Variants in NAV3 observed in about 807,000 individuals in gnomAD.
NAV3 encodes the protein pore membrane and/or filament interacting like protein 1.
Under a neutral mutation model 244.7 loss-of-function variants are expected in NAV3, and 87 were observed. The observed-to-expected ratio is 0.36, with a 90% CI of 0.30 to 0.42. The LOEUF (loss-of-function observed/expected upper bound fraction) is 0.42. NAV3 is among the 20% of genes least tolerant of loss of function. NAV3 has a pLI of 1.00. For synonymous variants in NAV3, 1,126 were observed against 1,042.2 expected, an observed-to-expected ratio of 1.08 and a Z score of -1.55; for missense variants, 2,663 against 2,893.3, an observed-to-expected ratio of 0.92 and a Z score of 1.83.
At chr12:78,065,835 TG>T (rs1884952032) in intron 12 of NAV3, among the ~76,000 whole-genome samples, 1 of 152,144 alleles carries the variant, frequency 6.6e-6, no homozygotes, top group Non-Finnish European at 1.5e-5. Flanking sequence ...TGCTCTGTTT[TG>T]TTTTGGGGAG....
rs1049219248 is a variant in NAV3, at chr12:77,831,296, G to C, written c.-166G>C. On this transcript the variant is annotated 5_prime_UTR_variant, in exon 1 of 40. Coordinates refer to ENST00000397909, the MANE Select transcript of NAV3 (RefSeq NM_001024383.2). ...GAAAAGATACTTAACTAAAGATGCA[G>C]GGAAGTTTTGCCTCTTCCTGAAAAT... 1 of 598,428 alleles carries C rather than the reference G, an allele frequency of 1.7e-6. No individual in the cohort carries two copies. Among genetic ancestry groups the C allele is most frequent in the African/African-American group, 1.9e-5 (1 of 52,356 alleles). 37.1% of individuals were successfully genotyped at this position (598,428 alleles called of 1,614,324 possible).
chr12:77,826,131 T>C (rs948716606), upstream of NAV3, among the ~76,000 whole-genome samples: 1 of 152,112 alleles, frequency 6.6e-6, no homozygotes, highest in Non-Finnish European at 1.5e-5. Flanking sequence ...TACACAAATA[T>C]ATAGTTATCA....
chr12:77,870,038 T>C (rs2136440559), intron 1 of NAV3, among the ~76,000 whole-genome samples: 1 of 152,302 alleles, frequency 6.6e-6, no homozygotes, highest in African/African-American at 2.4e-5. Flanking sequence ...ATCTAAATGT[T>C]ACTGCAATAT....
intron 8 of NAV3, among the ~76,000 whole-genome samples, chr12:78,013,913 T>C (rs1875744229): frequency 6.6e-6 from 1 of 152,076 alleles, no homozygotes; most frequent in Admixed American, 6.6e-5. Flanking sequence ...TCCTCTTCTT[T>C]CTTGGTGTCC....
At chr12:77,661,443 A>G (rs1873443117) in intron 2 of NAV3, among the ~76,000 whole-genome samples, 1 of 152,142 alleles carries the variant, frequency 6.6e-6, no homozygotes, top group Non-Finnish European at 1.5e-5. Flanking sequence ...GATATATTGT[A>G]GACAGAAGAG....
intron 2 of NAV3, among the ~76,000 whole-genome samples, chr12:77,662,255 A>ATCTATCTATCTATCTG (rs1242659283): frequency 7.9e-5 from 12 of 151,336 alleles, no homozygotes; most frequent in African/African-American, 2.9e-4. Context: ...CTATCTATCT[A>ATCTATCTATCTATCTG]TCTATCTATA....
At chr12:78,110,625 G>A (rs1566145821) in intron 12 of NAV3, among the ~76,000 whole-genome samples, 1 of 151,734 alleles carries the variant, frequency 6.6e-6, no homozygotes, top group Non-Finnish European at 1.5e-5. Context: ...AGCCAAAACA[G>A]CATGGTATTT....
chr12:78,036,770 C>A, intron 9 of NAV3: 1 of 599,120 alleles, frequency 1.7e-6, no homozygotes, highest in South Asian at 2.0e-5. Flanking sequence ...TATTGAAGTG[C>A]ATGTGATAAT....
chr12:78,131,940 G>A (rs1252427124), intron 18 of NAV3, among the ~76,000 whole-genome samples: 1 of 152,132 alleles, frequency 6.6e-6, no homozygotes, highest in Non-Finnish European at 1.5e-5. Context: ...TCGCAACACA[G>A]TAACCACAGG....
chr12:78,070,864 C>T (rs1804187904), intron 12 of NAV3, among the ~76,000 whole-genome samples: 1 of 148,870 alleles, frequency 6.7e-6, no homozygotes, highest in Non-Finnish European at 1.5e-5. Flanking sequence ...CATCCATGTC[C>T]CTACAAAGGA....
intron 2 of NAV3, among the ~76,000 whole-genome samples, chr12:77,797,575 G>T (rs1253251701): frequency 1.4e-5 from 2 of 140,366 alleles, no homozygotes; most frequent in Non-Finnish European, 3.0e-5. Context: ...GGGCGTGGTG[G>T]CTCAGGCCTG....
Position 78,180,923 on chromosome 12 carries a change from G to C in NAV3, c.5570G>C (p.Gly1857Ala), listed in dbSNP as rs754266815. 1 of 1,612,964 alleles carries C rather than the reference G, an allele frequency of 6.2e-7. No homozygotes were observed. The change falls in exon 30 of 40, where the codon GGT becomes GCT. Residue 1857 changes from glycine to alanine, a missense_variant. By Grantham distance (60) the Gly-to-Ala change is moderately conservative (BLOSUM62 0). Coordinates refer to ENST00000397909, the MANE Select transcript of NAV3 (RefSeq NM_001024383.2). ...AENDRLKAETGNTAKPTRPPS... is the reference protein window; with the variant it reads ...AENDRLKAETANTAKPTRPPS... ...AATGACCGGTTGAAGGCAGAAACTG[G>C]TAACACAGCTAAGCCTACTCGGCCA...
rs1005877698 is a variant in NAV3 at position 78,118,208 on chromosome 12, C to T, written c.2951C>T (p.Ser984Leu). The T allele has an allele frequency of 5.6e-6, 9 of 1,613,588 alleles. No individual in the cohort carries two copies. The African/African-American group carries it at 9.4e-5, about 17-fold the overall frequency. The change falls in exon 14 of 40, where the codon TCA becomes TTA. Residue 984 changes from serine (S) to leucine (L), a missense_variant. Ser to Leu is a moderately radical substitution (Grantham distance 145). Transcript: ENST00000397909. ...GGGCAGAAAGCTTCCCTGTCTGTTTCACAGACAGGTTCCTGGAGAAGAGGC... is the reference window on the plus strand; with the variant it reads ...GGGCAGAAAGCTTCCCTGTCTGTTTTACAGACAGGTTCCTGGAGAAGAGGC... Reference protein sequence around the residue: ...KAGQKASLSVSQTGSWRRGMS... With the variant: ...KAGQKASLSVLQTGSWRRGMS...
At chr12:77,970,630 C>A (rs995380647) in intron 5 of NAV3, among the ~76,000 whole-genome samples, 2 of 151,992 alleles carry the variant, frequency 1.3e-5, no homozygotes, top group South Asian at 2.1e-4. Flanking sequence ...TTTGACTGTT[C>A]TTTAAGCTCA....
chr12:78,169,357 C>T (rs1957908303), intron 24 of NAV3, among the ~76,000 whole-genome samples: 1 of 151,770 alleles, frequency 6.6e-6, no homozygotes, highest in East Asian at 1.9e-4. Flanking sequence ...AATTTTGAAA[C>T]AATAAAAACA....
intron 1 of NAV3, among the ~76,000 whole-genome samples, chr12:77,888,594 A>T (rs2136708068): frequency 6.6e-6 from 1 of 152,316 alleles, no homozygotes; most frequent in African/African-American, 2.4e-5. Context: ...AGCATAAGTT[A>T]ATAGCCTCAT....
At chr12:78,015,335 G>A (rs1385864866) in intron 8 of NAV3, among the ~76,000 whole-genome samples, 3 of 152,030 alleles carry the variant, frequency 2.0e-5, no homozygotes, top group African/African-American at 7.2e-5. Flanking sequence ...ATTGCACCTA[G>A]TAGCTGTCAC....
chr12:77,643,670 A>G (rs1164097450), intron 2 of NAV3, among the ~76,000 whole-genome samples: 3 of 151,874 alleles, frequency 2.0e-5, no homozygotes, highest in Non-Finnish European at 2.9e-5. Flanking sequence ...ATAAATTTTT[A>G]TCCTATTTAC....
chr12:77,603,791 C>T (rs977685094), intron 2 of NAV3, among the ~76,000 whole-genome samples: 5 of 151,946 alleles, frequency 3.3e-5, no homozygotes, highest in Admixed American at 3.3e-4. Flanking sequence ...TCTCTCCTTT[C>T]CTTCCTTTAA....
Sources: gnomAD v4.1 joint callset for allele counts (sites outside exome capture counted in the v4.1 genomes callset) on GRCh38, gnomAD v4.1.1 for gene constraint, MANE v1.5 for transcripts, NCBI Gene and HGNC (gene_info 2026-07-23, HGNC 2026-07-21) for gene names.